The following SYN3 variants were observed in gnomAD, a reference collection of about 807,000 sequenced individuals.
SYN3 encodes the protein synapsin-3.
SYN3 carries 35 observed loss-of-function variants against 65.8 expected under a neutral mutation model. That is an observed-to-expected ratio of 0.53 (90% CI 0.41 to 0.70). The LOEUF (loss-of-function observed/expected upper bound fraction) is 0.70. Among genes scored for constraint, SYN3 ranks in the 30% least tolerant of loss-of-function variants. The pLI is 0.00. For missense variants in SYN3, 680 were observed against 749.0 expected (o/e 0.91, Z 1.08); for synonymous variants, 270 against 292.9 (o/e 0.92, Z 0.80).
chr22:32,871,821 G>T (rs2146362125), intron 4 of SYN3, among the ~76,000 whole-genome samples: 1 of 152,074 alleles, frequency 6.6e-6, no homozygotes, highest in Admixed American at 6.5e-5. Context: ...GTAGAGATGA[G>T]ATTTTGCTGT....
chr22:33,034,399 G>A (rs1249412856), intron 1 of SYN3, among the ~76,000 whole-genome samples: 1 of 151,418 alleles, frequency 6.6e-6, no homozygotes, highest in East Asian at 2.0e-4. Flanking sequence ...GGTGCCCATC[G>A]CCACACCCCC....
intron 1 of SYN3, among the ~76,000 whole-genome samples, chr22:33,039,383 T>TC (rs2145927530): frequency 6.6e-6 from 1 of 151,618 alleles, no homozygotes; most frequent in East Asian, 1.9e-4. Flanking sequence ...TGACTTTTTT[T>TC]TTTTTTTTTT....
intron 6 of SYN3, among the ~76,000 whole-genome samples, chr22:32,749,468 C>T (rs2045044956): frequency 2.0e-5 from 3 of 151,904 alleles, no homozygotes; most frequent in South Asian, 4.2e-4. Context: ...GGTGAAACCC[C>T]GTCTCTACTA....
intron 1 of SYN3, among the ~76,000 whole-genome samples, chr22:33,009,480 T>C (rs1015906105): frequency 1.2e-4 from 18 of 152,228 alleles, no homozygotes; most frequent in African/African-American, 4.8e-5. Flanking sequence ...CTTTTTATTT[T>C]TGATTTGTAG....
In SYN3 at chr22:32,843,926, G is replaced by C. The variant is rs966082803; in HGVS notation, c.711+20989C>G. On this transcript the variant is annotated intron_variant, in intron 6 of 13. Transcript: ENST00000358763. ...GGTCTTTGGAGAGACAGGAATGGGG[G>C]TGTTGTGTGTGTGTGTGGGGTGGCG... is the stretch of plus-strand genomic sequence containing the variant. 3.3e-5 allele frequency among the ~76,000 whole-genome samples: 5 copies of C among 152,250 alleles called. No individual in the cohort carries two copies. The South Asian group carries it at 8.3e-4, about 25-fold the overall frequency.
intron 7 of SYN3, among the ~76,000 whole-genome samples, chr22:32,581,108 C>G (rs2058934204): frequency 6.6e-6 from 1 of 152,126 alleles, no homozygotes; most frequent in Non-Finnish European, 1.5e-5. Context: ...TTTACTGGCC[C>G]TGTTTTGTTT....
At chr22:32,910,376 C>G (rs116687976) in intron 4 of SYN3, among the ~76,000 whole-genome samples, 1,912 of 152,218 alleles carry the variant, frequency 0.013, 23 homozygotes, top group Middle Eastern at 0.031. Flanking sequence ...CTCAAAGAAA[C>G]TAGGAGGCGC....
At chr22:33,026,841 ATGT>A (rs1168967127) in intron 1 of SYN3, among the ~76,000 whole-genome samples, 1 of 152,172 alleles carries the variant, frequency 6.6e-6, no homozygotes, top group Non-Finnish European at 1.5e-5. Context: ...TGGTATCCTG[ATGT>A]TGTTGAGAAA....
chr22:32,969,520 G>A (rs2051954530), intron 3 of SYN3, among the ~76,000 whole-genome samples: 1 of 152,204 alleles, frequency 6.6e-6, no homozygotes, highest in Non-Finnish European at 1.5e-5. Flanking sequence ...AAAACCATCA[G>A]AAGGGACTAA....
chr22:32,985,714 G>A (rs1346252330), intron 2 of SYN3, among the ~76,000 whole-genome samples: 3 of 152,092 alleles, frequency 2.0e-5, no homozygotes, highest in Non-Finnish European at 4.4e-5. Flanking sequence ...TGCTGACTGG[G>A]GGTCTGCTTC....
intron 4 of SYN3, among the ~76,000 whole-genome samples, chr22:32,878,205 C>T (rs149247657): frequency 9.0e-4 from 137 of 152,252 alleles, no homozygotes; most frequent in African/African-American, 3.2e-3. Flanking sequence ...TCATCAGCTT[C>T]CCCCAAAGTG....
At chr22:32,710,254 A>G (rs1473408913) in intron 6 of SYN3, among the ~76,000 whole-genome samples, 2 of 151,274 alleles carry the variant, frequency 1.3e-5, no homozygotes, top group African/African-American at 4.9e-5. Flanking sequence ...AGGTGATTGG[A>G]TCATGGAGGT....
intron 6 of SYN3, among the ~76,000 whole-genome samples, chr22:32,798,247 C>T (rs2046475579): frequency 6.6e-6 from 1 of 151,998 alleles, no homozygotes; most frequent in African/African-American, 2.4e-5. Context: ...GGGCTGGGCA[C>T]TGTACAAAGA....
chr22:32,913,872 C>A (rs1449888109), intron 4 of SYN3, among the ~76,000 whole-genome samples: 1 of 152,206 alleles, frequency 6.6e-6, no homozygotes, highest in Non-Finnish European at 1.5e-5. Flanking sequence ...TAGCAAAAGT[C>A]TCACTCTTTA....
At chr22:32,584,811 T>C (rs2058999585) in intron 7 of SYN3, among the ~76,000 whole-genome samples, 1 of 152,236 alleles carries the variant, frequency 6.6e-6, no homozygotes, top group Non-Finnish European at 1.5e-5. Context: ...TCAGGCCTGG[T>C]GTGAGATCAG....
intron 5 of SYN3, 148 bp from the exon 6 acceptor site, chr22:32,865,152 AT>A (rs2048657306): frequency 1.1e-5 from 7 of 641,572 alleles, no homozygotes; most frequent in Non-Finnish European, 1.4e-5. Context: ...TAAAGACCAG[AT>A]TCCTTGGCTG....
In SYN3 at chr22:32,513,806, A is replaced by T; in HGVS notation, c.1629T>A (p.Thr543=). The T allele has an allele frequency of 6.2e-7, 1 of 1,614,140 alleles. No individual in the cohort carries two copies. Among genetic ancestry groups the T allele is most frequent in the Non-Finnish European group, 8.5e-7 (1 of 1,180,028 alleles). The change falls in exon 14 of 14, where the codon ACT becomes ACA. Residue 543 remains threonine (T), a synonymous_variant. Transcript: ENST00000358763. ...AGGTGTCGGATGTGCTGAGGCTGTT[A>T]GTCAGGGACTGAGATTTGCTGAAAC... is the stretch of plus-strand genomic sequence containing the variant. ...HPHLNKSQSL[T]NSLSTSDTSQ... is the part of the protein sequence containing the mutation.
rs112339381 is a variant in SYN3, at chr22:32,779,035, T to C, written c.711+85880A>G. On this transcript the variant is annotated intron_variant, in intron 6 of 13. Transcript: ENST00000358763. ...GACATAGTCCCTACCTTCATACTAC[T>C]AGTGAGGAAGGCTGACATTAATCAA... Among the ~76,000 whole-genome samples, 1,199 of 152,278 alleles carry C rather than the reference T, an allele frequency of 7.9e-3. 11 individuals are homozygous for C. The highest frequency in any genetic ancestry group is 0.012 in the Non-Finnish European group (825 of 68,030).
intron 6 of SYN3, among the ~76,000 whole-genome samples, chr22:32,773,718 G>A (rs536752475): frequency 3.9e-5 from 6 of 152,326 alleles, no homozygotes; most frequent in African/African-American, 1.4e-4. Context: ...TGAGGACAGT[G>A]TCTGTTCATA....
Sources: gnomAD v4.1 joint callset for allele counts (sites outside exome capture counted in the v4.1 genomes callset) on GRCh38, gnomAD v4.1.1 for gene constraint, MANE v1.5 for transcripts, NCBI Gene and HGNC (gene_info 2026-07-23, HGNC 2026-07-21) for gene names.